The following STS variants were observed in gnomAD, a reference collection of about 807,000 sequenced individuals.
STS encodes steroid sulfatase, also known as steryl-sulfatase.
Under a neutral mutation model 26.8 loss-of-function variants are expected in STS, and 7 were observed. That is an observed-to-expected ratio of 0.26 (90% CI 0.15 to 0.49). STS has a LOEUF of 0.49. Among genes scored for constraint, STS ranks in the 20% least tolerant of loss-of-function variants. The probability of loss-of-function intolerance (pLI) is 0.98; values close to 1 mark genes in which losing one functional copy is unlikely to be tolerated. For synonymous variants in STS, 199 were observed against 189.4 expected (o/e 1.05, Z -0.42); for missense variants, 434 against 465.6 (o/e 0.93, Z 0.63).
chrX:7,154,757 G>A (rs1933099054), intron 1 of STS, among the ~76,000 whole-genome samples: 1 of 110,820 alleles, frequency 9.0e-6, no homozygotes, highest in African/African-American at 3.3e-5. Flanking sequence ...AACGTGAATA[G>A]ATAATATCAA....
chrX:7,205,800 G>A (rs767488745), intron 2 of STS, among the ~76,000 whole-genome samples: 1 of 108,957 alleles, frequency 9.2e-6, no homozygotes, highest in East Asian at 2.9e-4. Flanking sequence ...ACAAATTGTA[G>A]AGACAAGGTC....
At chrX:7,286,815 T>C (rs1925156764) in intron 7 of STS, among the ~76,000 whole-genome samples, 2 of 112,331 alleles carry the variant, frequency 1.8e-5, no homozygotes, top group African/African-American at 3.2e-5. Context: ...GGGAGTGTTT[T>C]GTATATACTT....
chrX:7,246,108 G>C (rs1299389678), intron 2 of STS, among the ~76,000 whole-genome samples: 1 of 112,308 alleles, frequency 8.9e-6, no homozygotes, highest in Non-Finnish European at 1.9e-5. Context: ...CAAAACAGCT[G>C]TTCCAAGAAA....
chrX:7,320,510 A>G (rs922115160), intron 8 of STS, among the ~76,000 whole-genome samples: 5 of 111,692 alleles, frequency 4.5e-5, no homozygotes, highest in Admixed American at 9.7e-5. Flanking sequence ...CTAAACCATT[A>G]ATGAAATCAG....
chrX:7,278,911 C>G (rs1408906952), intron 7 of STS, among the ~76,000 whole-genome samples: 4 of 111,333 alleles, frequency 3.6e-5, no homozygotes, highest in Non-Finnish European at 7.5e-5. Context: ...AAAAGACATA[C>G]TAATTTATTG....
intron 8 of STS, among the ~76,000 whole-genome samples, chrX:7,320,130 T>C (rs6530070): frequency 0.24 from 23,058 of 96,235 alleles, 2,227 homozygotes; most frequent in East Asian, 0.4. Flanking sequence ...ATTTTATATA[T>C]ATTTTTATTA....
At chrX:7,269,429 A>G (rs1452210427) in intron 6 of STS, among the ~76,000 whole-genome samples, 1 of 107,817 alleles carries the variant, frequency 9.3e-6, no homozygotes, top group African/African-American at 3.4e-5. Context: ...AAACACTGTC[A>G]TGCTATGTGA....
intron 2 of STS, among the ~76,000 whole-genome samples, chrX:7,212,648 C>G (rs1402668172): frequency 4.5e-5 from 5 of 111,881 alleles, no homozygotes; most frequent in Non-Finnish European, 9.4e-5. Context: ...TGCAGATAAT[C>G]CTTCTGGTAT....
At position 7,257,338 on chromosome X, in the gene STS, G is replaced by A; in HGVS notation, c.234G>A (p.Met78Ile). The A allele has an allele frequency of 8.3e-7, 1 of 1,211,913 alleles. No homozygotes were observed. The highest frequency in any genetic ancestry group is 1.1e-6 in the Non-Finnish European group (1 of 895,394). Residue 78 changes from methionine (M) to isoleucine (I), a missense_variant, in exon 4 of 11, where the codon ATG (methionine) becomes ATA (isoleucine). Met to Ile is a conservative substitution (Grantham distance 10). Around this residue, in one of 2 missense-constraint regions of STS, gnomAD observed 229 missense variants for 288.3 expected, o/e 0.79. Transcript: ENST00000674429. ...PLCTPSRAAF[M>I]TGRYPVRSGM... is the part of the protein sequence containing the mutation. Reference sequence around the variant, plus strand: ...GCACACCAAGCAGGGCAGCCTTCATGACTGGCCGGTACCCTGTCCGATCAG... The same window carrying A: ...GCACACCAAGCAGGGCAGCCTTCATAACTGGCCGGTACCCTGTCCGATCAG...
At chrX:7,259,078 G>A (rs1923589368) in intron 5 of STS, among the ~76,000 whole-genome samples, 1 of 111,202 alleles carries the variant, frequency 9.0e-6, no homozygotes, top group Non-Finnish European at 1.9e-5. Flanking sequence ...AGAGTGAGTA[G>A]AGGATTTTTA....
At chrX:7,337,317 T>G (rs775616828) in intron 10 of STS, among the ~76,000 whole-genome samples, 3 of 112,381 alleles carry the variant, frequency 2.7e-5, no homozygotes, top group Non-Finnish European at 5.6e-5. Flanking sequence ...CAAAGTTCCC[T>G]GCTGAAGAGT....
intron 9 of STS, among the ~76,000 whole-genome samples, chrX:7,332,331 T>TA (rs769894823): frequency 1.8e-3 from 151 of 85,202 alleles, no homozygotes; most frequent in East Asian, 4.6e-3. Context: ...ACCTTGTCTC[T>TA]AAAAAAAAAA....
chrX:7,268,625 T>C (rs2147099278), intron 6 of STS, among the ~76,000 whole-genome samples: 1 of 112,109 alleles, frequency 8.9e-6, no homozygotes, highest in African/African-American at 3.2e-5. Context: ...AAAAAGTAAA[T>C]AATTAAAGAA....
intron 2 of STS, among the ~76,000 whole-genome samples, chrX:7,194,252 G>A (rs564369239): frequency 1.8e-5 from 2 of 111,168 alleles, no homozygotes; most frequent in African/African-American, 6.6e-5. Context: ...CTGTCGTTGT[G>A]TGCCGAGTCA....
intron 6 of STS, 85 bp from the exon 7 acceptor site, chrX:7,275,866 G>A: frequency 9.3e-7 from 1 of 1,069,581 alleles, no homozygotes; most frequent in Non-Finnish European, 1.3e-6. Context: ...ATGATAATAG[G>A]TGGATCTTAA....
chrX:7,305,397 G>T (rs1244092563), intron 8 of STS, among the ~76,000 whole-genome samples: 8 of 112,403 alleles, frequency 7.1e-5, no homozygotes, highest in African/African-American at 2.6e-4. Context: ...ACATTAGAAT[G>T]AGAGTATGTA....
At chrX:7,180,918 T>A (rs1053634723) in intron 1 of STS, among the ~76,000 whole-genome samples, 25 of 112,435 alleles carry the variant, frequency 2.2e-4, no homozygotes, top group African/African-American at 8.1e-4. Flanking sequence ...ATCAACCTGT[T>A]CACAGCATGG....
At chrX:7,198,225 T>G (rs1213320876) in intron 2 of STS, among the ~76,000 whole-genome samples, 1 of 109,075 alleles carries the variant, frequency 9.2e-6, no homozygotes, top group African/African-American at 3.3e-5. Flanking sequence ...TTAAGGGAGG[T>G]AGGGGGTTAG....
intron 1 of STS, among the ~76,000 whole-genome samples, chrX:7,167,236 G>A (rs1415527622): frequency 1.8e-5 from 2 of 110,767 alleles, no homozygotes; most frequent in Non-Finnish European, 3.8e-5. Flanking sequence ...TTTATTTAGA[G>A]ACAGAGTCTT....
Sources: allele counts gnomAD v4.1 joint callset (sites outside exome capture counted in the v4.1 genomes callset), GRCh38; gene constraint gnomAD v4.1.1; regional missense constraint gnomAD v4.1.1; transcripts MANE v1.5; gene names NCBI Gene and HGNC (gene_info 2026-07-23, HGNC 2026-07-21).